Variants in NTN5 observed in about 807,000 individuals in gnomAD.
NTN5 encodes netrin 5, also known as netrin-5.
Under a neutral mutation model 38.7 loss-of-function variants are expected in NTN5, and 42 were observed. The observed-to-expected ratio is 1.08, with a 90% CI of 0.85 to 1.40. The LOEUF is 1.40. NTN5 is among the 40% of genes most tolerant of loss of function. NTN5 has a pLI of 0.00. For synonymous variants in NTN5, 329 were observed against 303.9 expected, an observed-to-expected ratio of 1.08 and a Z score of -0.86; for missense variants, 658 against 716.5, an observed-to-expected ratio of 0.92 and a Z score of 0.93.
At chr19:48,668,871 A>G (rs866844247) in intron 2 of NTN5, among the ~76,000 whole-genome samples, 47 of 152,032 alleles carry the variant, frequency 3.1e-4, no homozygotes, top group African/African-American at 9.7e-4. Context: ...TTCAATAAAT[A>G]TTACCCAAGT....
At chr19:48,667,871 G>C (rs1397211138) in intron 2 of NTN5, among the ~76,000 whole-genome samples, 1 of 151,802 alleles carries the variant, frequency 6.6e-6, no homozygotes, top group East Asian at 1.9e-4. Flanking sequence ...AAAAAAAAAA[G>C]AAATAGAGGG....
At chr19:48,668,540 C>T (rs1344745514) in intron 2 of NTN5, among the ~76,000 whole-genome samples, 5 of 152,124 alleles carry the variant, frequency 3.3e-5, no homozygotes, top group South Asian at 2.1e-4. Flanking sequence ...CCACCAAGGC[C>T]GTGCTCCTGT....
chr19:48,665,092 T>G (rs1206820458), intron 2 of NTN5, among the ~76,000 whole-genome samples: 1 of 151,420 alleles, frequency 6.6e-6, no homozygotes, highest in Non-Finnish European at 1.5e-5. Context: ...TTTTTTTTTT[T>G]TTTGTATTTT....
In NTN5 at chr19:48,661,855, A is replaced by G; in HGVS notation, c.1292T>C (p.Leu431Pro). ...LRLQPGTDYL[L>P]LGSAVGDPDP... ...GGGGTCGCCCACGGCGCTGCCCAGC[A>G]GCAGGTAGTCGGTGCCTGGCTGCAG... Residue 431 changes from leucine to proline, a missense_variant, in exon 7 of 7, where the codon CTG (leucine) becomes CCG (proline). By Grantham distance (98) the Leu-to-Pro change is moderately conservative. Coordinates refer to ENST00000270235, the MANE Select transcript of NTN5 (RefSeq NM_145807.4). 1 of 1,341,346 alleles carries G rather than the reference A, an allele frequency of 7.5e-7. No homozygotes were observed. 83.1% of individuals were successfully genotyped at this position (1,341,346 alleles called of 1,614,324 possible).
chr19:48,664,891 C>A, intron 2 of NTN5, 124 bp from the exon 3 acceptor site: 1 of 756,434 alleles, frequency 1.3e-6, no homozygotes, highest in Non-Finnish European at 1.9e-6. Flanking sequence ...GAAGAGAATG[C>A]CTGGGTCCCA....
In NTN5 at chr19:48,670,513, C is replaced by A; in HGVS notation, c.474G>T (p.Gln158His). Residue 158 changes from glutamine (Q) to histidine (H), a missense_variant, in exon 2 of 7, where the codon CAG becomes CAT. By Grantham distance (24) the Gln-to-His change is conservative. Transcript: ENST00000270235. The stretch of plus-strand genomic sequence containing the variant: ...CACAGCGGGCAGCGTGGCCATGACA[C>A]TGGCAGCGGCCTCTCAGCCCAGCTG... ...LAAAGLRGRC[Q>H]CHGHAARCAA... is the part of the protein sequence containing the mutation. The A allele has an allele frequency of 6.7e-7, 1 of 1,484,720 alleles. No individual in the cohort carries two copies. The allele number at this position is 1,484,720 out of a possible 1,614,324, so 92.0% of individuals were successfully genotyped here. A position where few individuals can be genotyped will look rare whatever the true frequency, so the allele number is the denominator to read the frequency against.
Position 48,661,875 on chromosome 19 carries a change from C to T in NTN5, c.1272G>A (p.Gln424=), listed in dbSNP as rs1457672575. ...ADLTCGCLRL[Q]PGTDYLLLGS... ...CCAGCAGCAGGTAGTCGGTGCCTGG[C>T]TGCAGGCGCAGGCAGCCGCAGGTCA... The change falls in exon 7 of 7, where the codon CAG becomes CAA. Residue 424 remains glutamine, a synonymous_variant. Transcript: ENST00000270235. 3 of 1,345,722 alleles carry T rather than the reference C, an allele frequency of 2.2e-6. No individual in the cohort carries two copies. Among genetic ancestry groups the T allele is most frequent in the African/African-American group, 3.1e-5 (2 of 63,660 alleles). The allele number at this position is 1,345,722 out of a possible 1,614,324, so 83.4% of individuals were successfully genotyped here.
rs1601201908 is a variant in NTN5, at chr19:48,661,560, C to T, written c.*117G>A. ...CTCGGCGTGGGCGCAAGCATAGTGT[C>T]GTCGGGGCTCTGCGACGTCTGATTG... On this transcript the variant is annotated 3_prime_UTR_variant, in exon 7 of 7. Coordinates refer to ENST00000270235, the MANE Select transcript of NTN5 (RefSeq NM_145807.4). The T allele has an allele frequency of 3.3e-6, 4 of 1,228,510 alleles. No individual in the cohort carries two copies. The highest frequency in any genetic ancestry group is 4.2e-6 in the Non-Finnish European group (4 of 955,200). The allele number at this position is 1,228,510 out of a possible 1,614,324, so 76.1% of individuals were successfully genotyped here. A position where few individuals can be genotyped will look rare whatever the true frequency, so the allele number is the denominator to read the frequency against.
intron 2 of NTN5, among the ~76,000 whole-genome samples, chr19:48,665,453 G>A (rs2031677312): frequency 6.9e-6 from 1 of 145,714 alleles, no homozygotes; most frequent in Non-Finnish European, 1.5e-5. Context: ...AAAAAAAAAG[G>A]TACATTGGAC....
chr19:48,669,963 TCAC>T lies in NTN5; in HGVS notation c.631+390_631+392del, dbSNP rs1169277586. Among the ~76,000 whole-genome samples the T allele has an allele frequency of 7.0e-4, 8 of 11,348 alleles. 1 individual carries two copies. The highest frequency in any genetic ancestry group is 4.0e-3 in the Admixed American group (6 of 1,514). 7.4% of individuals were successfully genotyped at this position (11,348 alleles called of 152,430 possible). On this transcript the variant is annotated intron_variant, in intron 2 of 6. Coordinates refer to ENST00000270235, the MANE Select transcript of NTN5 (RefSeq NM_145807.4). ...ATCACCATCACCACCACCATCACCATCACCACCATCATCACCATCATCACCACC... is the reference window on the plus strand; with the variant it reads ...ATCACCATCACCACCACCATCACCATCACCATCATCACCATCATCACCACC...
chr19:48,666,997 G>C (rs1026030493), intron 2 of NTN5, among the ~76,000 whole-genome samples: 11 of 152,084 alleles, frequency 7.2e-5, no homozygotes, highest in African/African-American at 2.7e-4. Flanking sequence ...CGGAAGAGTT[G>C]TGGGATAATC....
rs2031595711 is a variant in NTN5 at position 48,663,227 on chromosome 19, C to T, written c.1105+236G>A. On this transcript the variant is annotated intron_variant, in intron 6 of 6. Transcript: ENST00000270235. ...TCAGGCTGAAGGAGATGATGAAACT[C>T]TGTAAGCCGAAGAACATGGGGAAAG... is the stretch of plus-strand genomic sequence containing the variant. The T allele has an allele frequency of 4.7e-6, 3 of 643,838 alleles. No homozygotes were observed. The East Asian group carries it at 9.4e-5, about 20-fold the overall frequency. The allele number at this position is 643,838 out of a possible 1,614,324, so 39.9% of individuals were successfully genotyped here. A position where few individuals can be genotyped will look rare whatever the true frequency, so the allele number is the denominator to read the frequency against.
In NTN5 at chr19:48,661,638, A is replaced by C. The variant is rs772035423; in HGVS notation, c.*39T>G. ...AAGGCTCAGCTCCTAGTCGCTCCCA[A>C]ATTACTTTGTTGGTGCTCGAGGCAG... On this transcript the variant is annotated 3_prime_UTR_variant, in exon 7 of 7. Transcript: ENST00000270235. 6.7e-7 allele frequency: 1 copy of C among 1,485,276 alleles called. No individual in the cohort carries two copies. The highest frequency in any genetic ancestry group is 1.3e-5 in the South Asian group (1 of 76,542). The allele number at this position is 1,485,276 out of a possible 1,614,324, so 92.0% of individuals were successfully genotyped here. A position where few individuals can be genotyped will look rare whatever the true frequency, so the allele number is the denominator to read the frequency against.
Position 48,670,705 on chromosome 19 carries a change from A to G in NTN5, c.282T>C (p.Ala94=). The change falls in exon 2 of 7, where the codon GCT becomes GCC. Residue 94 remains alanine, a synonymous_variant. Transcript: ENST00000270235. The part of the protein sequence containing the change: ...TPGPPALILS[A]AWASGGPWRL... ...TCCAGGGACCCCCTGAGGCCCAGGCAGCAGACAGGATGAGGGCTGGGGGTC... is the reference window on the plus strand; with the variant it reads ...TCCAGGGACCCCCTGAGGCCCAGGCGGCAGACAGGATGAGGGCTGGGGGTC... The G allele has an allele frequency of 6.2e-7, 1 of 1,612,028 alleles. No homozygotes were observed.
chr19:48,665,871 T>G lies in NTN5; in HGVS notation c.632-1104A>C, dbSNP rs573000694. On this transcript the variant is annotated intron_variant, in intron 2 of 6. Transcript: ENST00000270235. The stretch of plus-strand genomic sequence containing the variant: ...CTATGGCCTGTGGAATCAGACCCTT[T>G]TAGCCTTGTCGGTCTCTCTGACCGT... 4.6e-5 allele frequency among the ~76,000 whole-genome samples: 7 copies of G among 152,280 alleles called. No individual in the cohort carries two copies. The South Asian group carries it at 1.4e-3, about 32-fold the overall frequency.
rs781339365 is a variant in NTN5 at position 48,664,138 on chromosome 19, CTT to C, written c.970+3_970+4del. ...AGGCTTGTGGCCTGGCCCCTCAAGA[CTT>C]ACGCTGGCAGGGCATCCTGGGGGAG... On this transcript the variant is annotated splice_donor_region_variant and intron_variant, in intron 4 of 6. Transcript: ENST00000270235. 1.0e-4 allele frequency: 167 copies of C among 1,602,472 alleles called. No individual in the cohort carries two copies. In the Middle Eastern group the frequency reaches 1.7e-3, roughly 16 times the overall value.
At chr19:48,668,930 C>T (rs1209739827) in intron 2 of NTN5, among the ~76,000 whole-genome samples, 1 of 150,470 alleles carries the variant, frequency 6.6e-6, no homozygotes. Context: ...ACTGTTATTA[C>T]ATCATCATCA....
Position 48,663,808 on chromosome 19 carries a change from G to C in NTN5, c.977C>G (p.Pro326Arg), listed in dbSNP as rs149409502. 8.7e-6 allele frequency: 14 copies of C among 1,613,840 alleles called. No individual in the cohort carries two copies. In the African/African-American group the frequency reaches 1.7e-4, roughly 20 times the overall value. Residue 326 changes from proline (P) to arginine (R), a missense_variant, in exon 5 of 7, where the codon CCA becomes CGA. By Grantham distance (103) the Pro-to-Arg change is moderately radical (BLOSUM62 -2). Transcript: ENST00000270235. ...AGTGGCAAGGGTGGTTGTTGCCTCT[G>C]GAATTCCTGTGAGACCAAAGGAGAA... is the stretch of plus-strand genomic sequence containing the variant. ...RSPRMPCQRI[P>R]EATTTLATTP...
chr19:48,671,152 C>G (rs1329312017), intron 1 of NTN5, 146 bp from the exon 2 acceptor site: 2 of 564,740 alleles, frequency 3.5e-6, no homozygotes, highest in Non-Finnish European at 3.0e-6. Flanking sequence ...ATAGTTCCAT[C>G]TGGGGAGAAT....
Sources: allele counts gnomAD v4.1 joint callset (sites outside exome capture counted in the v4.1 genomes callset), GRCh38; gene constraint gnomAD v4.1.1; transcripts MANE v1.5; gene names NCBI Gene and HGNC (gene_info 2026-07-23, HGNC 2026-07-21).